STK10: variants seen among roughly 807,000 people sequenced by gnomAD.
STK10 encodes the protein serine/threonine kinase 10, also known as serine/threonine-protein kinase 10.
In STK10, 78 loss-of-function variants were observed where a neutral mutation model predicts 113.8. That is an observed-to-expected ratio of 0.69 (90% CI 0.57 to 0.83). STK10 has a LOEUF of 0.83. STK10 is among the 40% of genes least tolerant of loss of function. The probability of loss-of-function intolerance (pLI) is 0.00; values close to 1 mark genes in which losing one functional copy is unlikely to be tolerated. For synonymous variants in STK10, 465 were observed against 494.7 expected, an observed-to-expected ratio of 0.94 and a Z score of 0.80; for missense variants, 1,109 against 1,280.1, an observed-to-expected ratio of 0.87 and a Z score of 2.04.
At chr5:172,113,058 C>CT (rs1159375719) in intron 4 of STK10, among the ~76,000 whole-genome samples, 3 of 152,142 alleles carry the variant, frequency 2.0e-5, no homozygotes, top group Non-Finnish European at 4.4e-5. Flanking sequence ...CACTTTTGTT[C>CT]TTTAAAATGT....
chr5:172,061,616 T>A (rs377484874), intron 13 of STK10: 32 of 166,806 alleles, frequency 1.9e-4, no homozygotes, highest in African/African-American at 7.7e-4. Context: ...CACTCCTGAC[T>A]AATTTTTGTA....
chr5:172,057,851 G>A (rs528724325), intron 14 of STK10, among the ~76,000 whole-genome samples: 41 of 152,302 alleles, frequency 2.7e-4, no homozygotes, highest in African/African-American at 6.0e-4. Context: ...GGGAGGGGAC[G>A]TCCTTGGGAG....
At chr5:172,065,773 G>A (rs1420841764) in intron 12 of STK10, among the ~76,000 whole-genome samples, 2 of 152,184 alleles carry the variant, frequency 1.3e-5, no homozygotes, top group African/African-American at 4.8e-5. Flanking sequence ...TTAAACTGGA[G>A]GGATGAAGGC....
intron 10 of STK10, among the ~76,000 whole-genome samples, chr5:172,085,930 C>T (rs1399943281): frequency 1.3e-5 from 2 of 152,058 alleles, no homozygotes; most frequent in South Asian, 4.1e-4. Flanking sequence ...GCCATAACTG[C>T]TCACAGAACT....
intron 2 of STK10, among the ~76,000 whole-genome samples, chr5:172,142,457 T>C (rs1255099579): frequency 6.6e-6 from 1 of 152,070 alleles, no homozygotes; most frequent in East Asian, 1.9e-4. Flanking sequence ...GTCCTCAACA[T>C]CCCCACAAGG....
At chr5:172,107,664 CGAGGCAGGGCGTGTAGCCCT>C in intron 5 of STK10, 96 bp downstream of exon 5, 1 of 593,434 alleles carries the variant, frequency 1.7e-6, no homozygotes, top group Non-Finnish European at 2.5e-6. Context: ...TAGTAAGCCA[CGAGGCAGGGCGTGTAGCCCT>C]TGTCTTCCGG....
chr5:172,068,968 A>G (rs1768126711), intron 12 of STK10, among the ~76,000 whole-genome samples: 1 of 152,148 alleles, frequency 6.6e-6, no homozygotes, highest in Non-Finnish European at 1.5e-5. Context: ...GTAAAGGTAC[A>G]TTTTACTTAA....
chr5:172,101,957 G>A (rs573723515), intron 7 of STK10, among the ~76,000 whole-genome samples: 209 of 151,446 alleles, frequency 1.4e-3, no homozygotes, highest in African/African-American at 5.0e-3. Flanking sequence ...GGGCGATGGG[G>A]GTCAGCAGGG....
At chr5:172,056,839 A>G (rs1453621692) in intron 15 of STK10, among the ~76,000 whole-genome samples, 1 of 151,000 alleles carries the variant, frequency 6.6e-6, no homozygotes, top group Non-Finnish European at 1.5e-5. Flanking sequence ...GCGCCACTGC[A>G]CTCCAGCCTG....
intron 2 of STK10, among the ~76,000 whole-genome samples, chr5:172,153,099 C>T: frequency 6.6e-6 from 1 of 152,056 alleles, no homozygotes; most frequent in East Asian, 1.9e-4. Context: ...CCAGCCTGAC[C>T]AACATGGAGA....
intron 18 of STK10, among the ~76,000 whole-genome samples, chr5:172,046,573 C>T (rs1223933899): frequency 1.3e-5 from 2 of 152,190 alleles, no homozygotes; most frequent in Non-Finnish European, 2.9e-5. Flanking sequence ...TTCATCCCAC[C>T]TGTGTGACTC....
intron 10 of STK10, among the ~76,000 whole-genome samples, chr5:172,087,494 C>A (rs991089965): frequency 6.6e-6 from 1 of 152,014 alleles, no homozygotes; most frequent in Non-Finnish European, 1.5e-5. Flanking sequence ...AGGCTTTTCT[C>A]GAACTCCTGA....
intron 7 of STK10, among the ~76,000 whole-genome samples, chr5:172,105,070 G>C (rs116783218): frequency 0.018 from 2,717 of 152,154 alleles, 78 homozygotes; most frequent in African/African-American, 0.062. Context: ...GAGGCCAGGT[G>C]TTCTCCTAGG....
chr5:172,100,680 G>A (rs1392659034), intron 7 of STK10, among the ~76,000 whole-genome samples: 5 of 152,010 alleles, frequency 3.3e-5, no homozygotes, highest in South Asian at 2.1e-4. Context: ...CCAGCTACTC[G>A]GGAGGCTGAA....
chr5:172,176,614 C>T (rs7702280), intron 1 of STK10, among the ~76,000 whole-genome samples: 1 of 151,608 alleles, frequency 6.6e-6, no homozygotes, highest in South Asian at 2.1e-4. Flanking sequence ...CATCAAAAGA[C>T]AGTCCTTCTC....
chr5:172,087,627 T>A (rs186192676), intron 10 of STK10, among the ~76,000 whole-genome samples: 18,779 of 98,408 alleles, frequency 0.19, 3,437 homozygotes, highest in African/African-American at 0.42. Context: ...TTATTTATTT[T>A]TTTTTTTTTT....
chr5:172,061,968 T>C (rs890257973), intron 13 of STK10, among the ~76,000 whole-genome samples: 1 of 151,722 alleles, frequency 6.6e-6, no homozygotes, highest in Non-Finnish European at 1.5e-5. Context: ...ATTCCCATGT[T>C]ACTTTTCTTT....
At chr5:172,173,167 T>C (rs1371349219) in intron 1 of STK10, among the ~76,000 whole-genome samples, 1 of 151,992 alleles carries the variant, frequency 6.6e-6, no homozygotes, top group Admixed American at 6.6e-5. Context: ...CAAAGATGGG[T>C]TTCCTATCAC....
chr5:172,073,228 C>T (rs1190837640), intron 12 of STK10, among the ~76,000 whole-genome samples: 1 of 152,164 alleles, frequency 6.6e-6, no homozygotes, highest in African/African-American at 2.4e-5. Context: ...TCTTGGCTCA[C>T]TGCAGCCTCT....
Sources: allele counts gnomAD v4.1 joint callset (sites outside exome capture counted in the v4.1 genomes callset), GRCh38; gene constraint gnomAD v4.1.1; transcripts MANE v1.5; gene names NCBI Gene and HGNC (gene_info 2026-07-23, HGNC 2026-07-21).